BNC2: variants seen among roughly 807,000 people sequenced by gnomAD.
The protein encoded by BNC2 is basonuclin zinc finger protein 2, also known as zinc finger protein basonuclin-2.
Under a neutral mutation model 76.3 loss-of-function variants are expected in BNC2, and 20 were observed. The ratio of observed to expected loss-of-function variants is 0.26; its 90% CI spans 0.18 to 0.38. BNC2 has a LOEUF of 0.38. BNC2 is among the 10% of genes least tolerant of loss of function. BNC2 has a pLI of 1.00. For missense variants in BNC2, 1,382 were observed against 1,399.8 expected (o/e 0.99, Z 0.20); for synonymous variants, 582 against 514.8 (o/e 1.13, Z -1.77).
rs1455651293 is a variant in BNC2 at position 16,575,434 on chromosome 9, G to A, written c.433+7549C>T. On this transcript the variant is annotated intron_variant, in intron 4 of 6. Transcript: ENST00000380672. The stretch of plus-strand genomic sequence containing the variant: ...CTAGGAAAAAAAGAAAATCTGGGGA[G>A]CTAATAGGCAGACAGCCCAGGACTT... 7.1e-6 allele frequency: 7 copies of A among 985,268 alleles called. No homozygotes were observed. In the African/African-American group the frequency reaches 1.2e-4, roughly 17 times the overall value. 61.0% of individuals were successfully genotyped at this position (985,268 alleles called of 1,614,324 possible).
chr9:16,484,686 A>C (rs2131559824), intron 5 of BNC2, among the ~76,000 whole-genome samples: 1 of 152,310 alleles, frequency 6.6e-6, no homozygotes, highest in Admixed American at 6.5e-5. Context: ...GAAATTTCTG[A>C]AGGACAGCCT....
At chr9:16,510,432 G>A (rs2131905425) in intron 5 of BNC2, among the ~76,000 whole-genome samples, 1 of 152,284 alleles carries the variant, frequency 6.6e-6, no homozygotes, top group South Asian at 2.1e-4. Context: ...AAAAAGGCAG[G>A]AAACACAGAG....
chr9:16,845,527 C>A, intron 1 of BNC2, among the ~76,000 whole-genome samples: 1 of 151,900 alleles, frequency 6.6e-6, no homozygotes, highest in East Asian at 2.0e-4. Flanking sequence ...CGAGACCATC[C>A]TGGCTAACAC....
intron 2 of BNC2, 35 bp from the exon 3 acceptor site, chr9:16,728,032 G>A: frequency 3.2e-6 from 5 of 1,551,174 alleles, no homozygotes; most frequent in Non-Finnish European, 4.4e-6. Context: ...GAGCCTCTTG[G>A]CAGCCAGTAG....
At chr9:16,457,337 G>C (rs1234306136) in intron 5 of BNC2, among the ~76,000 whole-genome samples, 2 of 152,070 alleles carry the variant, frequency 1.3e-5, no homozygotes, top group Non-Finnish European at 2.9e-5. Flanking sequence ...CCTGTGTTGG[G>C]GGTCCAGGTC....
intron 5 of BNC2, among the ~76,000 whole-genome samples, chr9:16,469,369 G>A (rs897769600): frequency 6.6e-5 from 10 of 152,176 alleles, no homozygotes; most frequent in Admixed American, 5.2e-4. Context: ...TAGTGATGAA[G>A]CCTCACGAGA....
chr9:16,699,192 C>G (rs1823435400), intron 3 of BNC2: 1 of 471,004 alleles, frequency 2.1e-6, no homozygotes, highest in Non-Finnish European at 4.4e-6. Flanking sequence ...CAGTAACCTG[C>G]ACATCTACAA....
At chr9:16,746,312 T>G (rs1022135464) in intron 1 of BNC2, among the ~76,000 whole-genome samples, 1 of 152,126 alleles carries the variant, frequency 6.6e-6, no homozygotes, top group African/African-American at 2.4e-5. Flanking sequence ...GCAATCAGTG[T>G]CAGAGCCCCC....
At chr9:16,626,622 C>G (rs548052780) in intron 3 of BNC2, among the ~76,000 whole-genome samples, 66 of 152,242 alleles carry the variant, frequency 4.3e-4, no homozygotes, top group Non-Finnish European at 8.4e-4. Flanking sequence ...TAAAACCTGG[C>G]TCTGGGGTGC....
chr9:16,619,140 T>C (rs1024000424), intron 3 of BNC2, among the ~76,000 whole-genome samples: 1 of 152,000 alleles, frequency 6.6e-6, no homozygotes, highest in Non-Finnish European at 1.5e-5. Context: ...ATTATAAAAA[T>C]TCCAAGGAAG....
chr9:16,461,814 A>T (rs946229363), intron 5 of BNC2, among the ~76,000 whole-genome samples: 21 of 152,204 alleles, frequency 1.4e-4, no homozygotes, highest in African/African-American at 4.8e-4. Context: ...TTATTCAAGT[A>T]TAAGAGTTAT....
intron 6 of BNC2, among the ~76,000 whole-genome samples, chr9:16,430,928 T>C (rs1195567139): frequency 6.6e-6 from 1 of 152,222 alleles, no homozygotes; most frequent in African/African-American, 2.4e-5. Context: ...CCTCAGCAAA[T>C]ATAATTTGGT....
intron 1 of BNC2, among the ~76,000 whole-genome samples, chr9:16,838,524 G>A (rs1322172291): frequency 6.6e-6 from 1 of 152,146 alleles, no homozygotes; most frequent in Non-Finnish European, 1.5e-5. Context: ...GCACTCCATT[G>A]CACTCCAGCC....
At position 16,538,145 on chromosome 9, in the gene BNC2, G is replaced by A. The variant is rs528422960; in HGVS notation, c.669+14385C>T. ...GGTGTAAGGTAGAACAGAGGAAAGA[G>A]AAGACAAAGCAGATGGTACTGCCTG... On this transcript the variant is annotated intron_variant, in intron 5 of 6. Coordinates refer to ENST00000380672, the MANE Select transcript of BNC2 (RefSeq NM_017637.6). Among the ~76,000 whole-genome samples, 81 of 152,296 alleles carry A rather than the reference G, an allele frequency of 5.3e-4. No homozygotes were observed. In the Middle Eastern group the frequency reaches 0.02, roughly 38 times the overall value.
intron 3 of BNC2, among the ~76,000 whole-genome samples, chr9:16,627,647 C>G (rs1821036622): frequency 6.6e-6 from 1 of 152,050 alleles, no homozygotes; most frequent in Non-Finnish European, 1.5e-5. Context: ...AAAGAAACTC[C>G]CATTTATTGT....
intron 1 of BNC2, among the ~76,000 whole-genome samples, chr9:16,740,666 G>A (rs1463584212): frequency 6.6e-6 from 1 of 152,152 alleles, no homozygotes; most frequent in African/African-American, 2.4e-5. Flanking sequence ...GCTCAGACAG[G>A]TTGTGTTCAT....
chr9:16,838,936 T>C (rs1017073259), intron 1 of BNC2, among the ~76,000 whole-genome samples: 1 of 152,246 alleles, frequency 6.6e-6, no homozygotes, highest in African/African-American at 2.4e-5. Flanking sequence ...TGTATTGGTC[T>C]ATGTGTGCCA....
intron 1 of BNC2, among the ~76,000 whole-genome samples, chr9:16,748,078 G>A (rs574456814): frequency 6.6e-6 from 1 of 152,178 alleles, no homozygotes; most frequent in Non-Finnish European, 1.5e-5. Flanking sequence ...TAAAAGGCAA[G>A]ATGCAGAACA....
chr9:16,763,122 G>A (rs982766932), intron 1 of BNC2, among the ~76,000 whole-genome samples: 2 of 152,158 alleles, frequency 1.3e-5, no homozygotes, highest in African/African-American at 2.4e-5. Context: ...TAGCTGAGAG[G>A]TTATGGTGAT....
Sources: gnomAD v4.1 joint callset for allele counts (sites outside exome capture counted in the v4.1 genomes callset) on GRCh38, gnomAD v4.1.1 for gene constraint, MANE v1.5 for transcripts, NCBI Gene and HGNC (gene_info 2026-07-23, HGNC 2026-07-21) for gene names.